Variants in PDE4B observed in about 807,000 individuals in gnomAD.
The protein encoded by PDE4B is 3',5'-cyclic-AMP phosphodiesterase 4B.
PDE4B carries 20 observed loss-of-function variants against 82.2 expected under a neutral mutation model. That is an observed-to-expected ratio of 0.24 (90% CI 0.17 to 0.35). The LOEUF (loss-of-function observed/expected upper bound fraction) is 0.35. Among genes scored for constraint, PDE4B ranks in the 10% least tolerant of loss-of-function variants. The probability of loss-of-function intolerance (pLI) is 1.00; values close to 1 mark genes in which losing one functional copy is unlikely to be tolerated. For synonymous variants in PDE4B, 320 were observed against 318.9 expected (o/e 1.00, Z -0.04); for missense variants, 655 against 907.2 (o/e 0.72, Z 3.57).
chr1:66,291,001 A>T (rs1008673167), intron 7 of PDE4B, among the ~76,000 whole-genome samples: 2 of 152,056 alleles, frequency 1.3e-5, no homozygotes, highest in African/African-American at 4.8e-5. Flanking sequence ...TGACCAGGGT[A>T]CCTCCTCTAC....
At chr1:66,177,485 C>A (rs1170281503) in intron 3 of PDE4B, among the ~76,000 whole-genome samples, 1 of 152,210 alleles carries the variant, frequency 6.6e-6, no homozygotes, top group Non-Finnish European at 1.5e-5. Context: ...TAACATCTGA[C>A]AAGCGTTGGT....
intron 3 of PDE4B, among the ~76,000 whole-genome samples, chr1:65,921,880 C>T (rs576346611): frequency 1.3e-5 from 2 of 152,184 alleles, no homozygotes; most frequent in African/African-American, 4.8e-5. Flanking sequence ...GCTGATGTGC[C>T]AAATAAGTCA....
chr1:66,240,736 A>T (rs770831655), intron 3 of PDE4B, among the ~76,000 whole-genome samples: 2 of 152,244 alleles, frequency 1.3e-5, no homozygotes, highest in South Asian at 4.1e-4. Flanking sequence ...TTTGTTGAGT[A>T]AATGAATGCT....
chr1:66,002,071 A>G (rs549737619), intron 3 of PDE4B, among the ~76,000 whole-genome samples: 2 of 152,184 alleles, frequency 1.3e-5, no homozygotes, highest in South Asian at 4.1e-4. Context: ...GTTTTCCATC[A>G]TGGATGTCCC....
intron 4 of PDE4B, among the ~76,000 whole-genome samples, chr1:66,248,561 C>A (rs1653504665): frequency 2.0e-5 from 3 of 152,188 alleles, no homozygotes; most frequent in African/African-American, 7.2e-5. Context: ...TAGACGCACC[C>A]CTGCCCTAAA....
intron 7 of PDE4B, among the ~76,000 whole-genome samples, chr1:66,306,056 A>G (rs2101851441): frequency 6.6e-6 from 1 of 152,264 alleles, no homozygotes; most frequent in African/African-American, 2.4e-5. Context: ...AATTTCAATA[A>G]GGGATTATAG....
chr1:66,233,059 T>C (rs1269459706), intron 3 of PDE4B, among the ~76,000 whole-genome samples: 1 of 152,182 alleles, frequency 6.6e-6, no homozygotes, highest in African/African-American at 2.4e-5. Context: ...TTTATGAAGC[T>C]ATCATTACAT....
At chr1:65,943,448 T>G (rs1330608862) in intron 3 of PDE4B, among the ~76,000 whole-genome samples, 1 of 152,010 alleles carries the variant, frequency 6.6e-6, no homozygotes, top group Non-Finnish European at 1.5e-5. Flanking sequence ...CCTTCAGCTT[T>G]GTTATTTTTG....
intron 3 of PDE4B, among the ~76,000 whole-genome samples, chr1:66,035,943 C>G (rs576035617): frequency 6.6e-6 from 1 of 152,234 alleles, no homozygotes; most frequent in African/African-American, 2.4e-5. Context: ...AGTGGCTGTA[C>G]TAATTTACAG....
At chr1:66,340,076 A>G (rs968629933) in intron 8 of PDE4B, among the ~76,000 whole-genome samples, 5 of 152,232 alleles carry the variant, frequency 3.3e-5, no homozygotes, top group African/African-American at 1.2e-4. Flanking sequence ...GCCACAGTCA[A>G]TAGGTTTCAC....
intron 3 of PDE4B, among the ~76,000 whole-genome samples, chr1:66,149,326 G>C (rs1646344779): frequency 6.6e-6 from 1 of 151,820 alleles, no homozygotes; most frequent in African/African-American, 2.4e-5. Flanking sequence ...TTAAACTATT[G>C]AGTTATTTAT....
At chr1:66,035,219 AT>A (rs1654000100) in intron 3 of PDE4B, among the ~76,000 whole-genome samples, 1 of 152,120 alleles carries the variant, frequency 6.6e-6, no homozygotes, top group Non-Finnish European at 1.5e-5. Flanking sequence ...AATTGTGTAT[AT>A]TTATGGGGTA....
At chr1:65,923,257 T>A (rs1482390400) in intron 3 of PDE4B, among the ~76,000 whole-genome samples, 1 of 152,214 alleles carries the variant, frequency 6.6e-6, no homozygotes, top group African/African-American at 2.4e-5. Flanking sequence ...GGGACTTCAC[T>A]TTTTAAATAG....
At position 66,361,806 on chromosome 1, in the gene PDE4B, T is replaced by C; in HGVS notation, c.1020+13T>C. ...TCACCTGGCCAAGGTGTGTATAAGC[T>C]CAGGTTTTGTGCATGTAGCTCTCTG... is the stretch of plus-strand genomic sequence containing the variant. On this transcript the variant is annotated intron_variant, in intron 10 of 16. Coordinates refer to ENST00000341517, the MANE Select transcript of PDE4B (RefSeq NM_002600.4). 1 of 1,601,484 alleles carries C rather than the reference T, an allele frequency of 6.2e-7. No individual in the cohort carries two copies.
intron 7 of PDE4B, among the ~76,000 whole-genome samples, chr1:66,268,799 C>G (rs568846245): frequency 1.3e-5 from 2 of 151,542 alleles, no homozygotes; most frequent in East Asian, 3.9e-4. Context: ...CCTTACTTTG[C>G]AAAGACATCT....
chr1:65,947,157 C>A (rs1226496506), intron 3 of PDE4B, among the ~76,000 whole-genome samples: 1 of 152,016 alleles, frequency 6.6e-6, no homozygotes, highest in Non-Finnish European at 1.5e-5. Flanking sequence ...GCTGTGCTGA[C>A]AATGTTATGA....
At chr1:66,001,686 T>C (rs1651872601) in intron 3 of PDE4B, among the ~76,000 whole-genome samples, 1 of 152,108 alleles carries the variant, frequency 6.6e-6, no homozygotes, top group African/African-American at 2.4e-5. Context: ...GTGGCATTGA[T>C]GGGTTGTATT....
intron 3 of PDE4B, among the ~76,000 whole-genome samples, chr1:66,201,289 A>G (rs565540807): frequency 6.6e-6 from 1 of 152,242 alleles, no homozygotes; most frequent in East Asian, 1.9e-4. Context: ...TTCATCAAGG[A>G]TATTGGTCTA....
At chr1:66,048,039 T>C in intron 3 of PDE4B, among the ~76,000 whole-genome samples, 1 of 151,930 alleles carries the variant, frequency 6.6e-6, no homozygotes, top group East Asian at 1.9e-4. Context: ...AGACCATTGC[T>C]ATTTTCAGAC....
Sources: gnomAD v4.1 joint callset for allele counts (sites outside exome capture counted in the v4.1 genomes callset) on GRCh38, gnomAD v4.1.1 for gene constraint, MANE v1.5 for transcripts, NCBI Gene and HGNC (gene_info 2026-07-23, HGNC 2026-07-21) for gene names.